The following MRPS33 variants were observed in gnomAD, a reference collection of about 807,000 sequenced individuals.
MRPS33 encodes mitochondrial ribosomal protein S33.
A neutral mutation model predicts 11.2 loss-of-function variants in MRPS33; 11 were observed. The observed-to-expected ratio is 0.99, with a 90% CI of 0.62 to 1.63. The LOEUF is 1.63. Ranked by LOEUF, MRPS33 falls within the 40% of genes most tolerant of loss-of-function variation. The pLI is 0.00. For missense variants in MRPS33, 109 were observed against 127.8 expected, an observed-to-expected ratio of 0.85 and a Z score of 0.71; for synonymous variants, 46 against 44.0, an observed-to-expected ratio of 1.05 and a Z score of -0.18.
intron 1 of MRPS33, among the ~76,000 whole-genome samples, chr7:141,013,547 C>G (rs1820729846): frequency 6.6e-6 from 1 of 152,176 alleles, no homozygotes; most frequent in Non-Finnish European, 1.5e-5. Context: ...ACATGTCTCT[C>G]ACGAAGAATA....
chr7:141,008,273 C>T (rs1295531286), intron 2 of MRPS33, among the ~76,000 whole-genome samples: 1 of 152,178 alleles, frequency 6.6e-6, no homozygotes, highest in Non-Finnish European at 1.5e-5. Flanking sequence ...AAACAGACAG[C>T]AGCAGCAAAA....
intron 2 of MRPS33, among the ~76,000 whole-genome samples, chr7:141,006,993 C>G (rs1394961418): frequency 6.6e-6 from 1 of 152,090 alleles, no homozygotes; most frequent in Non-Finnish European, 1.5e-5. Context: ...CATGGTGAAA[C>G]CTTAGTGGCA....
chr7:141,006,605 C>T (rs1475040295), intron 2 of MRPS33, 70 bp from the exon 3 acceptor site: 2 of 1,241,026 alleles, frequency 1.6e-6, no homozygotes, highest in Non-Finnish European at 1.2e-6. Flanking sequence ...ATCTAGCACG[C>T]ACTGCTCTCT....
At chr7:141,010,315 C>A in intron 2 of MRPS33, 104 bp downstream of exon 2, 2 of 1,099,478 alleles carry the variant, frequency 1.8e-6, no homozygotes, top group Non-Finnish European at 2.6e-6. Context: ...TACCTGGGCT[C>A]TATTATAAGA....
chr7:141,011,153 T>C (rs1205740614), intron 1 of MRPS33, among the ~76,000 whole-genome samples: 2 of 152,166 alleles, frequency 1.3e-5, no homozygotes, highest in Non-Finnish European at 2.9e-5. Context: ...CCTCAAGGGC[T>C]CCAGAAGGCT....
chr7:141,007,414 A>G (rs1191765743), intron 2 of MRPS33, among the ~76,000 whole-genome samples: 1 of 152,196 alleles, frequency 6.6e-6, no homozygotes, highest in Non-Finnish European at 1.5e-5. Flanking sequence ...CATCATGGAC[A>G]GTATACAACT....
At chr7:141,010,232 C>CTT in intron 2 of MRPS33, 187 bp downstream of exon 2, 51 of 475,328 alleles carry the variant, frequency 1.1e-4, no homozygotes, top group South Asian at 2.3e-4. Flanking sequence ...CATGAATTTC[C>CTT]TTTTTTTTTT....
intron 2 of MRPS33, among the ~76,000 whole-genome samples, chr7:141,008,620 A>G (rs1326480738): frequency 6.6e-6 from 1 of 152,182 alleles, no homozygotes; most frequent in African/African-American, 2.4e-5. Context: ...GTGCTGTACT[A>G]TTAATTCTAT....
chr7:141,011,284 A>G (rs985250683), intron 1 of MRPS33, among the ~76,000 whole-genome samples: 1 of 152,214 alleles, frequency 6.6e-6, no homozygotes. Context: ...TAAATCCAAT[A>G]GCTCAAAAGA....
At chr7:141,012,193 A>AAAAAAAAAAAAC (rs1218230899) in intron 1 of MRPS33, among the ~76,000 whole-genome samples, 3 of 148,720 alleles carry the variant, frequency 2.0e-5, no homozygotes, top group Non-Finnish European at 3.0e-5. Context: ...AAAAAAAAAA[A>AAAAAAAAAAAAC]AGCAGAGGCT....
At chr7:141,012,655 T>C (rs1820704047) in intron 1 of MRPS33, among the ~76,000 whole-genome samples, 1 of 152,238 alleles carries the variant, frequency 6.6e-6, no homozygotes, top group African/African-American at 2.4e-5. Flanking sequence ...TTAATTACCA[T>C]TGTGGCATCA....
At chr7:141,008,252 AT>A (rs1001030070) in intron 2 of MRPS33, among the ~76,000 whole-genome samples, 1 of 152,128 alleles carries the variant, frequency 6.6e-6, no homozygotes, top group African/African-American at 2.4e-5. Context: ...TTAAGTCTTT[AT>A]TTTTCAAACA....
chr7:141,002,981 A>T lies in MRPS33; in HGVS notation c.*3449T>A, dbSNP rs954084002. On this transcript the variant is annotated 3_prime_UTR_variant, in exon 3 of 3. Transcript: ENST00000324787. ...ACAGAGTTCTTTTCACAAATATCTTATTTCATTAATCCAGTGAAGCATTAT... is the reference window on the plus strand; with the variant it reads ...ACAGAGTTCTTTTCACAAATATCTTTTTTCATTAATCCAGTGAAGCATTAT... 4 of 152,320 alleles carry T rather than the reference A, an allele frequency of 2.6e-5. No homozygotes were observed. Among genetic ancestry groups the T allele is most frequent in the Admixed American group, 6.5e-5 (1 of 15,284 alleles). 9.4% of individuals were successfully genotyped at this position (152,320 alleles called of 1,614,324 possible).
chr7:141,007,264 C>T (rs1014671062), intron 2 of MRPS33, among the ~76,000 whole-genome samples: 12 of 152,274 alleles, frequency 7.9e-5, no homozygotes, highest in African/African-American at 2.9e-4. Context: ...TTTACTAGAT[C>T]TGTCACCTTG....
chr7:141,012,173 C>T (rs868473765), intron 1 of MRPS33, among the ~76,000 whole-genome samples: 1 of 58,782 alleles, frequency 1.7e-5, no homozygotes, highest in African/African-American at 8.0e-5. Context: ...GATTGTGTGT[C>T]AAAAAAAAAA....
chr7:141,013,061 G>GAA (rs1028182526), intron 1 of MRPS33, among the ~76,000 whole-genome samples: 17 of 128,656 alleles, frequency 1.3e-4, no homozygotes, highest in South Asian at 4.8e-4. Flanking sequence ...TCATGTTTAA[G>GAA]AAAAAAAAAA....
chr7:141,010,455 T>A lies in MRPS33; in HGVS notation c.179A>T (p.Glu60Val). Residue 60 changes from glutamate (E) to valine (V), a missense_variant, in exon 2 of 3, where the codon GAA (glutamate) becomes GTA (valine). Glu to Val is a moderately radical substitution (Grantham distance 121). Transcript: ENST00000324787. ...DWYPNHHTYA[E>V]LMQTLRFLGL... ...AAGAAATCGGAGCGTCTGCATGAGTTCAGCGTAAGTGTGGTGATTTGGATA... is the reference window on the plus strand; with the variant it reads ...AAGAAATCGGAGCGTCTGCATGAGTACAGCGTAAGTGTGGTGATTTGGATA... The A allele has an allele frequency of 1.2e-6, 2 of 1,614,190 alleles. No homozygotes were observed. Among genetic ancestry groups the A allele is most frequent in the Non-Finnish European group, 1.7e-6 (2 of 1,180,030 alleles).
At position 141,006,192 on chromosome 7, in the gene MRPS33, G is replaced by C; in HGVS notation, c.*238C>G. On this transcript the variant is annotated 3_prime_UTR_variant, in exon 3 of 3. Transcript: ENST00000324787. ...AATAACTTAGGTATTTATTTCATTA[G>C]AGAATCAGGTAAACCTCACATTACA... 5.7e-6 allele frequency: 3 copies of C among 522,312 alleles called. No individual in the cohort carries two copies. In the South Asian group the frequency reaches 7.8e-5, roughly 14 times the overall value. 32.4% of individuals were successfully genotyped at this position (522,312 alleles called of 1,614,324 possible). A position where few individuals can be genotyped will look rare whatever the true frequency, so the allele number is the denominator to read the frequency against.
intron 1 of MRPS33, among the ~76,000 whole-genome samples, chr7:141,011,351 C>T (rs999520299): frequency 2.6e-5 from 4 of 152,306 alleles, no homozygotes; most frequent in Admixed American, 1.3e-4. Context: ...TTGCTGTATC[C>T]TCCATCTTAT....
Sources: gnomAD v4.1 joint callset for allele counts (sites outside exome capture counted in the v4.1 genomes callset) on GRCh38, gnomAD v4.1.1 for gene constraint, MANE v1.5 for transcripts, NCBI Gene and HGNC (gene_info 2026-07-23, HGNC 2026-07-21) for gene names.